PHF20: variants seen among roughly 807,000 people sequenced by gnomAD.
The protein encoded by PHF20 is glioma-expressed antigen 2.
Under a neutral mutation model 113.5 loss-of-function variants are expected in PHF20, and 23 were observed. That is an observed-to-expected ratio of 0.20 (90% confidence interval 0.15 to 0.29). PHF20 has a LOEUF of 0.29. Ranked by LOEUF, PHF20 falls within the 10% of genes least tolerant of loss-of-function variation. PHF20 has a pLI of 1.00. For missense variants in PHF20, 943 were observed against 1,219.6 expected, an observed-to-expected ratio of 0.77 and a Z score of 3.38; for synonymous variants, 434 against 457.3, an observed-to-expected ratio of 0.95 and a Z score of 0.65.
At chr20:35,859,691 C>G (rs1181565051) in intron 5 of PHF20, among the ~76,000 whole-genome samples, 1 of 151,882 alleles carries the variant, frequency 6.6e-6, no homozygotes, top group East Asian at 1.9e-4. Flanking sequence ...AGACTAGGCG[C>G]GTGCCACCAC....
chr20:35,942,320 A>G (rs1354640546), intron 17 of PHF20, among the ~76,000 whole-genome samples: 2 of 152,170 alleles, frequency 1.3e-5, no homozygotes, highest in East Asian at 1.9e-4. Flanking sequence ...TGTGAAAAAC[A>G]TATTATTAGA....
Position 35,801,494 on chromosome 20 carries a change from A to C in PHF20, c.-29A>C. The C allele has an allele frequency of 2.6e-6, 4 of 1,549,988 alleles. No homozygotes were observed. Among genetic ancestry groups the C allele is most frequent in the Middle Eastern group, 1.7e-4 (1 of 5,926 alleles). ...AATATTTAATTGGCTTTTTCAGGAG[A>C]ATAAAGGCAGCCCCGTTGATGACTG... On this transcript the variant is annotated 5_prime_UTR_variant, in exon 2 of 18. Transcript: ENST00000374012.
intron 2 of PHF20, among the ~76,000 whole-genome samples, chr20:35,817,090 A>G (rs575282082): frequency 5.4e-5 from 8 of 149,308 alleles, no homozygotes; most frequent in South Asian, 2.1e-4. Flanking sequence ...GCGCCTGGCC[A>G]TAAGTGTTGT....
intron 2 of PHF20, among the ~76,000 whole-genome samples, chr20:35,812,654 A>G (rs982563249): frequency 6.6e-6 from 1 of 152,086 alleles, no homozygotes; most frequent in African/African-American, 2.4e-5. Flanking sequence ...TGTGTTTCAT[A>G]TTGCATCACA....
chr20:35,895,859 A>G (rs6058347), intron 9 of PHF20, among the ~76,000 whole-genome samples: 26,425 of 150,694 alleles, frequency 0.18, 2,524 homozygotes, highest in South Asian at 0.35. Context: ...CTAATTTTTT[A>G]TATTTTTAGT....
At chr20:35,772,815 G>A (rs909828716) in intron 1 of PHF20, among the ~76,000 whole-genome samples, 2 of 151,922 alleles carry the variant, frequency 1.3e-5, no homozygotes, top group Non-Finnish European at 2.9e-5. Flanking sequence ...CTAAAGTTTT[G>A]GGATACTTTC....
rs1267655828 is a variant in PHF20, at chr20:35,847,538, G to C, written c.340+104G>C. ...AGTATATTTTCAGTATTTATTTACT[G>C]CCTAGGTATCCGCTTTATTCAAGTT... On this transcript the variant is annotated intron_variant, in intron 4 of 17. Transcript: ENST00000374012. The C allele has an allele frequency of 7.0e-6, 5 of 713,922 alleles. No homozygotes were observed. The East Asian group carries it at 1.3e-4, about 19-fold the overall frequency. The allele number at this position is 713,922 out of a possible 1,614,324, so 44.2% of individuals were successfully genotyped here.
intron 9 of PHF20, among the ~76,000 whole-genome samples, chr20:35,894,346 A>C (rs928673138): frequency 3.3e-5 from 5 of 152,386 alleles, no homozygotes; most frequent in Admixed American, 2.6e-4. Flanking sequence ...TGCCAAGTAC[A>C]TACATTATCC....
chr20:35,819,429 G>A (rs987562973), intron 2 of PHF20, among the ~76,000 whole-genome samples: 1 of 152,040 alleles, frequency 6.6e-6, no homozygotes, highest in Admixed American at 6.6e-5. Context: ...CAAACACAAC[G>A]AAAAAGCTCC....
chr20:35,909,431 C>CACCG (rs1304096346), intron 10 of PHF20, among the ~76,000 whole-genome samples: 23 of 151,922 alleles, frequency 1.5e-4, no homozygotes, highest in Admixed American at 1.5e-3. Flanking sequence ...GAAACCATGG[C>CACCG]TAATAATACG....
chr20:35,917,378 T>A, intron 12 of PHF20, 106 bp from the exon 13 acceptor site: 1 of 992,726 alleles, frequency 1.0e-6, no homozygotes, highest in East Asian at 2.6e-5. Context: ...ATGAATGTTC[T>A]TGTTTGGAGG....
intron 3 of PHF20, among the ~76,000 whole-genome samples, chr20:35,843,284 C>T (rs376254094): frequency 6.6e-5 from 10 of 151,500 alleles, no homozygotes; most frequent in African/African-American, 1.9e-4. Flanking sequence ...CTTTGGGAGG[C>T]GGAGACAGGC....
At chr20:35,852,302 G>A (rs2042747000) in intron 4 of PHF20, among the ~76,000 whole-genome samples, 1 of 152,184 alleles carries the variant, frequency 6.6e-6, no homozygotes, top group East Asian at 1.9e-4. Flanking sequence ...GAGAGTGGAT[G>A]TAGTGGTCTG....
At position 35,791,441 on chromosome 20, in the gene PHF20, G is replaced by GTATC. The variant is rs72192292; in HGVS notation, c.-32-9992_-32-9989dup. 9.8e-3 allele frequency among the ~76,000 whole-genome samples: 1,286 copies of GTATC among 131,348 alleles called. 8 individuals carry two copies. Among genetic ancestry groups the GTATC allele is most frequent in the East Asian group, 0.019 (86 of 4,588 alleles). 86.2% of individuals were successfully genotyped at this position (131,348 alleles called of 152,430 possible). On this transcript the variant is annotated intron_variant, in intron 1 of 17. Coordinates refer to ENST00000374012, the MANE Select transcript of PHF20 (RefSeq NM_016436.5). Reference sequence around the variant, plus strand: ...ATATATGTATATATATACCAGAATAGTATCTATCTATCTATCTATCTATCT... The same window carrying GTATC: ...ATATATGTATATATATACCAGAATAGTATCTATCTATCTATCTATCTATCTATCT...
rs1485468681 is a variant in PHF20, at chr20:35,949,061, G to A, written c.*1434G>A. 6.6e-6 allele frequency: 1 copy of A among 152,658 alleles called. No homozygotes were observed. The highest frequency in any genetic ancestry group is 2.4e-5 in the African/African-American group (1 of 41,454). 9.5% of individuals were successfully genotyped at this position (152,658 alleles called of 1,614,324 possible). ...CCTCTGTACTAAAATCTATTTCAGG[G>A]AATGTTCTGTCTAGTGATTTGCTCA... is the stretch of plus-strand genomic sequence containing the variant. On this transcript the variant is annotated 3_prime_UTR_variant, in exon 18 of 18. Transcript: ENST00000374012.
At position 35,919,141 on chromosome 20, in the gene PHF20, C is replaced by T. The variant is rs933528369; in HGVS notation, c.2004+1479C>T. Among the ~76,000 whole-genome samples the T allele has an allele frequency of 5.3e-5, 8 of 151,314 alleles. No individual in the cohort carries two copies. In the South Asian group the frequency reaches 1.0e-3, roughly 20 times the overall value. Reference sequence around the variant, plus strand: ...AAGCGATTCGCCTGCCTCCACTGCCCGAGTAGCTGGGATTACAGGCATGTG... The same window carrying T: ...AAGCGATTCGCCTGCCTCCACTGCCTGAGTAGCTGGGATTACAGGCATGTG... On this transcript the variant is annotated intron_variant, in intron 13 of 17. Coordinates refer to ENST00000374012, the MANE Select transcript of PHF20 (RefSeq NM_016436.5).
At chr20:35,829,088 C>T (rs374168466) in intron 2 of PHF20, among the ~76,000 whole-genome samples, 2 of 152,106 alleles carry the variant, frequency 1.3e-5, no homozygotes, top group Admixed American at 6.6e-5. Flanking sequence ...CAGGTGGCCT[C>T]AGTTCCTTGT....
chr20:35,774,114 G>A (rs981193717), intron 1 of PHF20, among the ~76,000 whole-genome samples: 1 of 148,120 alleles, frequency 6.8e-6, no homozygotes, highest in Admixed American at 6.8e-5. Flanking sequence ...ACAGAGTCTC[G>A]CTCTGTCGCC....
rs1168857884 is a variant in PHF20, at chr20:35,808,722, G to A, written c.83+7117G>A. On this transcript the variant is annotated intron_variant, in intron 2 of 17. Transcript: ENST00000374012. ...CGAGTAGCTGGGACTACAGGCGCCC[G>A]CCACCACGCCTGGCTAATTTTTTCT... Among the ~76,000 whole-genome samples the A allele has an allele frequency of 4.0e-5, 6 of 151,828 alleles. No homozygotes were observed. In the South Asian group the frequency reaches 6.2e-4, roughly 16 times the overall value.
Sources: allele counts gnomAD v4.1 joint callset (sites outside exome capture counted in the v4.1 genomes callset), GRCh38; gene constraint gnomAD v4.1.1; transcripts MANE v1.5; gene names NCBI Gene and HGNC (gene_info 2026-07-23, HGNC 2026-07-21).